STRN: variants seen among roughly 807,000 people sequenced by gnomAD.
STRN encodes striatin, also known as protein phosphatase 2 regulatory subunit B'''alpha.
In STRN, 53 loss-of-function variants were observed where a neutral mutation model predicts 96.3. The observed-to-expected ratio is 0.55, with a 90% confidence interval of 0.44 to 0.69. The LOEUF is 0.69. Ranked by LOEUF, STRN falls within the 30% of genes least tolerant of loss-of-function variation. The pLI, the probability that STRN is intolerant of heterozygous loss-of-function variation, is 0.00. For missense variants in STRN, 987 were observed against 963.9 expected (o/e 1.02, Z -0.32); for synonymous variants, 428 against 355.9 (o/e 1.20, Z -2.28).
At chr2:36,945,172 G>A (rs1338226527) in intron 1 of STRN, among the ~76,000 whole-genome samples, 2 of 152,040 alleles carry the variant, frequency 1.3e-5, no homozygotes, top group East Asian at 1.9e-4. Flanking sequence ...TAAAAAACGT[G>A]TAGGAAAAAC....
chr2:36,899,082 T>C (rs1355791686), intron 6 of STRN, among the ~76,000 whole-genome samples: 3 of 152,114 alleles, frequency 2.0e-5, no homozygotes, highest in Admixed American at 6.6e-5. Flanking sequence ...CTAAACAATT[T>C]TGAAGAACTC....
intron 1 of STRN, among the ~76,000 whole-genome samples, chr2:36,925,433 T>C (rs1239992013): frequency 6.6e-6 from 1 of 152,068 alleles, no homozygotes; most frequent in Non-Finnish European, 1.5e-5. Flanking sequence ...TACTTCAGGG[T>C]AGGGATTTTA....
intron 10 of STRN, among the ~76,000 whole-genome samples, chr2:36,871,296 G>A (rs192053187): frequency 2.0e-5 from 3 of 152,256 alleles, no homozygotes; most frequent in Non-Finnish European, 4.4e-5. Context: ...TTTCAGTCCT[G>A]CAAGCTCCAT....
intron 1 of STRN, among the ~76,000 whole-genome samples, chr2:36,925,723 A>C (rs1670391265): frequency 6.6e-6 from 1 of 152,196 alleles, no homozygotes; most frequent in Non-Finnish European, 1.5e-5. Context: ...CAGTAAGCCG[A>C]GATCACGCCT....
intron 12 of STRN, among the ~76,000 whole-genome samples, chr2:36,863,598 G>T (rs1452024357): frequency 1.3e-5 from 2 of 152,178 alleles, no homozygotes; most frequent in African/African-American, 4.8e-5. Flanking sequence ...TTGAAGTCAG[G>T]TAATGTGATG....
intron 15 of STRN, among the ~76,000 whole-genome samples, chr2:36,855,007 T>A (rs1196068799): frequency 6.6e-6 from 1 of 152,186 alleles, no homozygotes; most frequent in Non-Finnish European, 1.5e-5. Context: ...AAATGCTATT[T>A]CAAACAGTAT....
intron 2 of STRN, among the ~76,000 whole-genome samples, chr2:36,920,422 T>G (rs184223760): frequency 6.6e-6 from 1 of 151,100 alleles, no homozygotes; most frequent in Non-Finnish European, 1.5e-5. Context: ...GCAGATCACC[T>G]GAGGTTGGGA....
chr2:36,845,366 T>A lies in STRN; in HGVS notation c.*4090A>T, dbSNP rs1047643983. The A allele has an allele frequency of 5.3e-5, 8 of 152,100 alleles. No individual in the cohort carries two copies. Among genetic ancestry groups the A allele is most frequent in the Admixed American group, 3.3e-4 (5 of 15,268 alleles). 9.4% of individuals were successfully genotyped at this position (152,100 alleles called of 1,614,324 possible). On this transcript the variant is annotated 3_prime_UTR_variant, in exon 18 of 18. Coordinates refer to ENST00000263918, the MANE Select transcript of STRN (RefSeq NM_003162.4). ...AAAAGCACCAACATAGATTTTTTTT[T>A]AATTGCATCCAACCATCATTTCAGA...
intron 7 of STRN, among the ~76,000 whole-genome samples, chr2:36,892,217 C>A (rs956503472): frequency 6.6e-6 from 1 of 152,046 alleles, no homozygotes; most frequent in African/African-American, 2.4e-5. Context: ...ACAGTAGGCA[C>A]TTAGGGACAT....
intron 7 of STRN, among the ~76,000 whole-genome samples, chr2:36,887,815 A>G (rs1204679009): frequency 6.6e-6 from 1 of 152,240 alleles, no homozygotes; most frequent in Non-Finnish European, 1.5e-5. Flanking sequence ...CACTATTTCA[A>G]GAGAAGAAAA....
At chr2:36,907,748 G>A (rs1440977574) in intron 3 of STRN, among the ~76,000 whole-genome samples, 2 of 152,108 alleles carry the variant, frequency 1.3e-5, no homozygotes, top group Non-Finnish European at 2.9e-5. Flanking sequence ...TCACTCCAGA[G>A]CCCCAGCATT....
At chr2:36,898,814 C>A (rs1400705371) in intron 6 of STRN, among the ~76,000 whole-genome samples, 1 of 151,034 alleles carries the variant, frequency 6.6e-6, no homozygotes, top group African/African-American at 2.4e-5. Context: ...TTTTCCTAGA[C>A]AAAGTGAAAC....
chr2:36,865,863 T>C (rs1473909835), intron 12 of STRN, among the ~76,000 whole-genome samples: 1 of 151,992 alleles, frequency 6.6e-6, no homozygotes, highest in African/African-American at 2.4e-5. Flanking sequence ...CTGGCCGAGA[T>C]CTAATTTTTT....
At chr2:36,935,704 T>C (rs1044863865) in intron 1 of STRN, among the ~76,000 whole-genome samples, 8 of 152,166 alleles carry the variant, frequency 5.3e-5, no homozygotes, top group Non-Finnish European at 8.8e-5. Context: ...TAAATAAAAA[T>C]AGACTCAACT....
intron 1 of STRN, among the ~76,000 whole-genome samples, chr2:36,957,758 T>TG (rs1558670028): frequency 3.5e-5 from 4 of 113,344 alleles, no homozygotes; most frequent in Non-Finnish European, 3.8e-5. Context: ...TTTTTTTTTT[T>TG]TTTTTTTTTT....
intron 7 of STRN, among the ~76,000 whole-genome samples, chr2:36,891,828 T>C (rs1271705714): frequency 6.6e-6 from 1 of 152,178 alleles, no homozygotes; most frequent in Non-Finnish European, 1.5e-5. Context: ...TATCAGTCAC[T>C]ACATATAATG....
At chr2:36,863,556 A>C (rs2540928) in intron 12 of STRN, among the ~76,000 whole-genome samples, 144,434 of 152,306 alleles carry the variant, frequency 0.95, 68,959 homozygotes, top group East Asian at 1. Context: ...CAGTACCATG[A>C]TGTTTTGGTT....
Position 36,840,563 on chromosome 2 carries a change from T to C in STRN, c.*8893A>G, listed in dbSNP as rs2148109503. 1 of 150,588 alleles carries C rather than the reference T, an allele frequency of 6.6e-6. No homozygotes were observed. Among genetic ancestry groups the C allele is most frequent in the South Asian group, 2.1e-4 (1 of 4,770 alleles). The allele number at this position is 150,588 out of a possible 1,614,324, so 9.3% of individuals were successfully genotyped here. ...ATTTTTTTTTTTTTTTTTTGGTCTTTGATGATTTGTATAATTTAGATTTTG... is the reference window on the plus strand; with the variant it reads ...ATTTTTTTTTTTTTTTTTTGGTCTTCGATGATTTGTATAATTTAGATTTTG... On this transcript the variant is annotated 3_prime_UTR_variant, in exon 18 of 18. Transcript: ENST00000263918.
chr2:36,964,162 G>A, intron 1 of STRN, among the ~76,000 whole-genome samples: 1 of 133,786 alleles, frequency 7.5e-6, no homozygotes, highest in East Asian at 2.3e-4. Context: ...TTTAAACGAG[G>A]AGAGGGAGTG....
Sources: gnomAD v4.1 joint callset for allele counts (sites outside exome capture counted in the v4.1 genomes callset) on GRCh38, gnomAD v4.1.1 for gene constraint, MANE v1.5 for transcripts, NCBI Gene and HGNC (gene_info 2026-07-23, HGNC 2026-07-21) for gene names.